The following PRKCB variants were observed in gnomAD, a reference collection of about 807,000 sequenced individuals.
The protein encoded by PRKCB is protein kinase C beta.
PRKCB carries 13 observed loss-of-function variants against 81.5 expected under a neutral mutation model. The ratio of observed to expected loss-of-function variants is 0.16; its 90% confidence interval spans 0.10 to 0.25. PRKCB has a LOEUF of 0.25. PRKCB is among the 10% of genes least tolerant of loss of function. The pLI is 1.00. For missense variants in PRKCB, 509 were observed against 875.7 expected (o/e 0.58, Z 5.29); for synonymous variants, 335 against 321.4 (o/e 1.04, Z -0.45).
At chr16:23,850,522 C>T (rs915750607) in intron 2 of PRKCB, among the ~76,000 whole-genome samples, 9 of 152,210 alleles carry the variant, frequency 5.9e-5, no homozygotes, top group East Asian at 5.8e-4. Flanking sequence ...TGCACCACCA[C>T]GCCTGGCTAA....
Position 23,936,329 on chromosome 16 carries a change from A to G in PRKCB, c.206-52179A>G, listed in dbSNP as rs74012815. ...GTGCTGCCAGTCTTTAGATATTTGA[A>G]TTACTTCCCCTGTCCACCCCACGTC... On this transcript the variant is annotated intron_variant, in intron 2 of 16. Coordinates refer to ENST00000643927, the MANE Select transcript of PRKCB (RefSeq NM_002738.7). 5.3e-3 allele frequency among the ~76,000 whole-genome samples: 808 copies of G among 152,116 alleles called. 15 individuals are homozygous for G. The highest frequency in any genetic ancestry group is 0.019 in the African/African-American group (768 of 41,502).
intron 2 of PRKCB, among the ~76,000 whole-genome samples, chr16:23,981,691 T>C (rs1964709322): frequency 9.4e-6 from 1 of 106,188 alleles, no homozygotes; most frequent in African/African-American, 4.0e-5. Context: ...CCCCTTCCCT[T>C]CCCCTTCCCT....
At chr16:24,021,428 T>C (rs1309237401) in intron 3 of PRKCB, among the ~76,000 whole-genome samples, 1 of 144,982 alleles carries the variant, frequency 6.9e-6, no homozygotes, top group East Asian at 2.1e-4. Context: ...TGCCTGTGTC[T>C]GGGATTAAGT....
At chr16:23,993,934 C>T (rs1964922362) in intron 3 of PRKCB, among the ~76,000 whole-genome samples, 1 of 152,148 alleles carries the variant, frequency 6.6e-6, no homozygotes, top group Non-Finnish European at 1.5e-5. Flanking sequence ...TAACTTGAAT[C>T]ATAAAAATAG....
chr16:24,147,919 CCCAA>C (rs1967019137), intron 9 of PRKCB, among the ~76,000 whole-genome samples: 2 of 152,178 alleles, frequency 1.3e-5, no homozygotes, highest in Non-Finnish European at 2.9e-5. Flanking sequence ...TCCAAACTGT[CCCAA>C]CGTTGCCCTT....
rs1039913843 is a variant in PRKCB, at chr16:24,211,673, C to G, written c.1864-2985C>G. 2.0e-5 allele frequency among the ~76,000 whole-genome samples: 3 copies of G among 151,766 alleles called. 1 individual carries two copies. Among genetic ancestry groups the G allele is most frequent in the Admixed American group, 1.3e-4 (2 of 15,226 alleles). On this transcript the variant is annotated intron_variant, in intron 16 of 16. Coordinates refer to ENST00000643927, the MANE Select transcript of PRKCB (RefSeq NM_002738.7). ...TCCTGGGTTTAAGTGATTCTCCTGC[C>G]TCAGCCTCCCGAGTAGCTGGGATTA...
chr16:24,184,318 G>A (rs957374537), intron 13 of PRKCB, among the ~76,000 whole-genome samples: 3 of 152,050 alleles, frequency 2.0e-5, no homozygotes, highest in Middle Eastern at 3.2e-3. Flanking sequence ...TAGCATGGTG[G>A]TGAGCACCTG....
chr16:23,851,386 T>C (rs1350878969), intron 2 of PRKCB, among the ~76,000 whole-genome samples: 3 of 152,244 alleles, frequency 2.0e-5, no homozygotes, highest in Non-Finnish European at 2.9e-5. Context: ...AAAAATCAGT[T>C]GGCTATAAAT....
Position 23,959,887 on chromosome 16 carries a change from C to T in PRKCB, c.206-28621C>T, listed in dbSNP as rs568137861. On this transcript the variant is annotated intron_variant, in intron 2 of 16. Transcript: ENST00000643927. ...TCCCCCCACTTTGCAGATGGGGACA[C>T]TGATGTGCAGGAAATGAAGTGACAT... 1.3e-3 allele frequency among the ~76,000 whole-genome samples: 199 copies of T among 152,308 alleles called. 1 individual carries two copies. Among genetic ancestry groups the T allele is most frequent in the Admixed American group, 5.0e-3 (76 of 15,302 alleles).
chr16:24,105,746 T>C (rs949033120), intron 7 of PRKCB, among the ~76,000 whole-genome samples: 2 of 150,158 alleles, frequency 1.3e-5, no homozygotes, highest in African/African-American at 4.9e-5. Flanking sequence ...ATGGTGTATA[T>C]ATGCCACATT....
At chr16:24,207,918 C>T (rs1008211491) in intron 16 of PRKCB, among the ~76,000 whole-genome samples, 3 of 152,148 alleles carry the variant, frequency 2.0e-5, no homozygotes, top group African/African-American at 4.8e-5. Context: ...GTTCTAGGAA[C>T]TGGAAATACT....
chr16:24,030,606 T>TG (rs1020934262), intron 3 of PRKCB, among the ~76,000 whole-genome samples: 1 of 151,400 alleles, frequency 6.6e-6, no homozygotes, highest in Non-Finnish European at 1.5e-5. Flanking sequence ...TAGCTGGGCA[T>TG]GGTGGTGTGC....
intron 8 of PRKCB, among the ~76,000 whole-genome samples, chr16:24,122,939 G>A (rs1966819034): frequency 6.6e-6 from 1 of 152,156 alleles, no homozygotes; most frequent in South Asian, 2.1e-4. Context: ...CCATTGCACT[G>A]AGGACACACG....
intron 13 of PRKCB, among the ~76,000 whole-genome samples, chr16:24,181,811 C>T (rs539073825): frequency 1.1e-3 from 94 of 82,326 alleles, no homozygotes; most frequent in Non-Finnish European, 2.0e-3. Flanking sequence ...TGACAAATAA[C>T]ACTATGATAC....
At chr16:24,067,925 G>C (rs577889633) in intron 5 of PRKCB, among the ~76,000 whole-genome samples, 5 of 146,434 alleles carry the variant, frequency 3.4e-5, no homozygotes, top group Non-Finnish European at 7.4e-5. Flanking sequence ...CTGGGTGACA[G>C]AGCGAGACTC....
chr16:23,917,077 C>T (rs1963752188), intron 2 of PRKCB, among the ~76,000 whole-genome samples: 1 of 151,908 alleles, frequency 6.6e-6, no homozygotes, highest in South Asian at 2.1e-4. Flanking sequence ...CACCCAATGT[C>T]TCATTCTATT....
At chr16:24,025,608 T>C (rs1965468756) in intron 3 of PRKCB, among the ~76,000 whole-genome samples, 1 of 152,194 alleles carries the variant, frequency 6.6e-6, no homozygotes, top group Non-Finnish European at 1.5e-5. Context: ...TATAAGTCAG[T>C]GGTTTAAGTG....
intron 5 of PRKCB, among the ~76,000 whole-genome samples, chr16:24,040,646 G>A (rs1965686534): frequency 6.6e-6 from 1 of 152,214 alleles, no homozygotes; most frequent in South Asian, 2.1e-4. Context: ...ATGGCTGTAT[G>A]TATGAATGAG....
At chr16:23,848,701 G>A (rs1296118386) in intron 2 of PRKCB, among the ~76,000 whole-genome samples, 1 of 152,154 alleles carries the variant, frequency 6.6e-6, no homozygotes, top group African/African-American at 2.4e-5. Flanking sequence ...GAAAGGCTTC[G>A]ATTTAAATCT....
Sources: gnomAD v4.1 joint callset for allele counts (sites outside exome capture counted in the v4.1 genomes callset) on GRCh38, gnomAD v4.1.1 for gene constraint, MANE v1.5 for transcripts, NCBI Gene and HGNC (gene_info 2026-07-23, HGNC 2026-07-21) for gene names.